The following PRKAG2 variants were observed in gnomAD, a reference collection of about 807,000 sequenced individuals.
PRKAG2 encodes the protein protein kinase AMP-activated non-catalytic subunit gamma 2, also known as 5'-AMP-activated protein kinase subunit gamma-2.
In PRKAG2, 26 loss-of-function variants were observed where a neutral mutation model predicts 69.6. The observed-to-expected ratio is 0.37, with a 90% CI of 0.27 to 0.52. The LOEUF is 0.52. Among genes scored for constraint, PRKAG2 ranks in the 20% least tolerant of loss-of-function variants. PRKAG2 has a pLI of 0.90. For missense variants in PRKAG2, 557 were observed against 740.0 expected (o/e 0.75, Z 2.87); for synonymous variants, 293 against 285.0 (o/e 1.03, Z -0.28).
chr7:151,858,589 A>G (rs2079842736), intron 1 of PRKAG2, among the ~76,000 whole-genome samples: 1 of 152,150 alleles, frequency 6.6e-6, no homozygotes, highest in South Asian at 2.1e-4. Flanking sequence ...CTACAGGAAG[A>G]GAGAGTCACA....
intron 3 of PRKAG2, among the ~76,000 whole-genome samples, chr7:151,773,023 AAGAGAGAGAGAGAGAGAGAGAG>A (rs1163334410): frequency 3.6e-5 from 2 of 55,056 alleles, no homozygotes; most frequent in Non-Finnish European, 7.0e-5. Context: ...GAAAGAAAGA[AAGAGAGAGAGAGAGAGAGAGAG>A]AGAGAGAGGG....
At chr7:151,574,759 TCACC>T in intron 8 of PRKAG2, 128 bp downstream of exon 8, 1 of 1,286,920 alleles carries the variant, frequency 7.8e-7, no homozygotes, top group Non-Finnish European at 1.1e-6. Flanking sequence ...ATTTGGAAAA[TCACC>T]ATCAGCACAC....
intron 3 of PRKAG2, among the ~76,000 whole-genome samples, chr7:151,773,052 AGGGAGGGAGGGAGGGAGG>A (rs1431890657): frequency 3.9e-4 from 10 of 25,726 alleles, no homozygotes; most frequent in South Asian, 2.2e-3. Context: ...AGAGAGAGAG[AGGGAGGGAGGGAGGGAGG>A]GAGGGAGGGA....
In PRKAG2 at chr7:151,850,063, C is replaced by A. The variant is rs188981682; in HGVS notation, c.114+26444G>T. On this transcript the variant is annotated intron_variant, in intron 1 of 15. Transcript: ENST00000287878. The surrounding 1 kb of genome is among the most constrained non-coding windows in gnomAD (Gnocchi z 4.1). The stretch of plus-strand genomic sequence containing the variant: ...AGGCTCTGCTGGGCTGCAGGGGGAG[C>A]GAGACACACCAGGGAGGCTGAGAAC... Among the ~76,000 whole-genome samples, 42 of 152,154 alleles carry A rather than the reference C, an allele frequency of 2.8e-4. No individual in the cohort carries two copies. The highest frequency in any genetic ancestry group is 5.8e-4 in the African/African-American group (24 of 41,498).
chr7:151,759,547 C>T (rs114388622), intron 3 of PRKAG2, among the ~76,000 whole-genome samples: 2,803 of 152,304 alleles, frequency 0.018, 90 homozygotes, highest in African/African-American at 0.062. Context: ...CCCTTTGAAA[C>T]GCCTGGGCAG....
rs1806117752 is a variant in PRKAG2, at chr7:151,565,818, T to C, written c.1301A>G (p.His434Arg). 1.2e-6 allele frequency: 2 copies of C among 1,612,546 alleles called. No individual in the cohort carries two copies. The highest frequency in any genetic ancestry group is 1.7e-6 in the Non-Finnish European group (2 of 1,178,514). The change falls in exon 12 of 16, where the codon CAC becomes CGC. Residue 434 changes from histidine to arginine, a missense_variant. This residue lies in a region of PRKAG2 where 205 missense variants were observed against 383.4 expected (regional missense o/e 0.53). Coordinates refer to ENST00000287878, the MANE Select transcript of PRKAG2 (RefSeq NM_016203.4). ...GTCTGGATGTATGAAGGCAATGTTG[T>C]GGTACGTTCCTATTCCAAGCTCATC... is the stretch of plus-strand genomic sequence containing the variant. ...NLDELGIGTYHNIAFIHPDTP... is the reference protein window; with the variant it reads ...NLDELGIGTYRNIAFIHPDTP...
At chr7:151,661,064 A>G (rs1259954420) in intron 4 of PRKAG2, among the ~76,000 whole-genome samples, 2 of 152,244 alleles carry the variant, frequency 1.3e-5, no homozygotes, top group Non-Finnish European at 2.9e-5. Context: ...CTCCAGATGT[A>G]TGTGTTTTGA....
chr7:151,654,482 A>G (rs1829102589), intron 4 of PRKAG2, among the ~76,000 whole-genome samples: 1 of 152,166 alleles, frequency 6.6e-6, no homozygotes, highest in Non-Finnish European at 1.5e-5. Flanking sequence ...TTCTTTTGCT[A>G]TGTCAATATT....
Position 151,771,015 on chromosome 7 carries a change from T to C in PRKAG2, c.466+10137A>G, listed in dbSNP as rs773944663. ...GGCTTATGACCTCACACATTTACCA[T>C]TGCAGAAATTATGCCAAAGCATGAT... On this transcript the variant is annotated intron_variant, in intron 3 of 15. Coordinates refer to ENST00000287878, the MANE Select transcript of PRKAG2 (RefSeq NM_016203.4). The surrounding 1 kb of genome is among the most constrained non-coding windows in gnomAD (Gnocchi z 4.0). Among the ~76,000 whole-genome samples the C allele has an allele frequency of 6.6e-6, 1 of 152,174 alleles. No individual in the cohort carries two copies. Among genetic ancestry groups the C allele is most frequent in the Non-Finnish European group, 1.5e-5 (1 of 68,032 alleles).
chr7:151,679,891 C>A (rs1833576437), intron 3 of PRKAG2, among the ~76,000 whole-genome samples: 1 of 144,830 alleles, frequency 6.9e-6, no homozygotes, highest in South Asian at 2.2e-4. Context: ...ATGGCAAGAC[C>A]CTGTCTCTAT....
chr7:151,858,677 G>A (rs1232068883), intron 1 of PRKAG2, among the ~76,000 whole-genome samples: 1 of 152,202 alleles, frequency 6.6e-6, no homozygotes, highest in Non-Finnish European at 1.5e-5. Flanking sequence ...AAGAAGGGGT[G>A]ACATCGTCAT....
At chr7:151,698,938 G>T (rs189492568) in intron 3 of PRKAG2, among the ~76,000 whole-genome samples, 1 of 152,126 alleles carries the variant, frequency 6.6e-6, no homozygotes, top group African/African-American at 2.4e-5. Context: ...GAGATGCCAC[G>T]TGGAACCCTA....
chr7:151,804,734 G>A (rs1037526722), intron 1 of PRKAG2, among the ~76,000 whole-genome samples: 2 of 152,122 alleles, frequency 1.3e-5, no homozygotes, highest in African/African-American at 4.8e-5. Context: ...TTTATTCCGT[G>A]GTGTTCCATC....
chr7:151,692,539 T>A (rs1835846228), intron 3 of PRKAG2, among the ~76,000 whole-genome samples: 1 of 151,842 alleles, frequency 6.6e-6, no homozygotes, highest in Non-Finnish European at 1.5e-5. Flanking sequence ...CAACTGCAGA[T>A]GTTTCTCAAA....
intron 1 of PRKAG2, among the ~76,000 whole-genome samples, chr7:151,839,653 C>T (rs774421816): frequency 3.9e-5 from 6 of 152,332 alleles, no homozygotes; most frequent in African/African-American, 7.2e-5. Flanking sequence ...CCTCGGGCCT[C>T]GGTAACCACT....
intron 10 of PRKAG2, 134 bp from the exon 11 acceptor site, chr7:151,568,976 T>G: frequency 9.4e-7 from 1 of 1,067,064 alleles, no homozygotes. Flanking sequence ...AGTTTTAAAT[T>G]AGAGATCTCA....
chr7:151,786,221 CAG>C (rs1489099403), intron 2 of PRKAG2, among the ~76,000 whole-genome samples: 1 of 152,240 alleles, frequency 6.6e-6, no homozygotes, highest in Non-Finnish European at 1.5e-5. Flanking sequence ...GGGCCACAGT[CAG>C]TGCCACGTGA....
At position 151,756,388 on chromosome 7, in the gene PRKAG2, T is replaced by A. The variant is rs985708496; in HGVS notation, c.466+24764A>T. ...TTGCAATGCTGGGAGGGACCCTAGATGGATTTGTGGGTGCATCTCGGGCAC... is the reference window on the plus strand; with the variant it reads ...TTGCAATGCTGGGAGGGACCCTAGAAGGATTTGTGGGTGCATCTCGGGCAC... On this transcript the variant is annotated intron_variant, in intron 3 of 15. Transcript: ENST00000287878. The surrounding 1 kb of genome is among the most constrained non-coding windows in gnomAD (Gnocchi z 4.9). Among the ~76,000 whole-genome samples, 1 of 152,190 alleles carries A rather than the reference T, an allele frequency of 6.6e-6. No homozygotes were observed. Among genetic ancestry groups the A allele is most frequent in the African/African-American group, 2.4e-5 (1 of 41,446 alleles).
chr7:151,746,127 C>G (rs977950739), intron 3 of PRKAG2, among the ~76,000 whole-genome samples: 1 of 152,216 alleles, frequency 6.6e-6, no homozygotes, highest in African/African-American at 2.4e-5. Flanking sequence ...TGCACCGAAG[C>G]CTTGGAGAAG....
Sources: gnomAD v4.1 joint callset for allele counts (sites outside exome capture counted in the v4.1 genomes callset) on GRCh38, gnomAD v4.1.1 for gene constraint, gnomAD v4.1.1 regional missense constraint, Gnocchi (gnomAD v3.1) non-coding constraint, MANE v1.5 for transcripts, NCBI Gene and HGNC (gene_info 2026-07-23, HGNC 2026-07-21) for gene names.